Variants in TRRAP observed in about 807,000 individuals in gnomAD.
The protein encoded by TRRAP is transformation/transcription domain-associated protein.
A neutral mutation model predicts 438.8 loss-of-function variants in TRRAP; 41 were observed. The ratio of observed to expected loss-of-function variants is 0.09; its 90% CI spans 0.07 to 0.12. The LOEUF is 0.12. TRRAP is among the 10% of genes least tolerant of loss of function. TRRAP has a pLI of 1.00. For synonymous variants in TRRAP, 1,994 were observed against 1,962.9 expected, an observed-to-expected ratio of 1.02 and a Z score of -0.42; for missense variants, 3,122 against 5,055.1, an observed-to-expected ratio of 0.62 and a Z score of 11.60.
At chr7:99,008,267 A>T (rs1794282920) in intron 69 of TRRAP, 110 bp from the exon 70 acceptor site, 1 of 1,150,640 alleles carries the variant, frequency 8.7e-7, no homozygotes, top group African/African-American at 1.5e-5. Flanking sequence ...TAAGCCCCCA[A>T]GGCATACAGA....
In TRRAP at chr7:98,976,630, C is replaced by G. The variant is rs1325149260; in HGVS notation, c.8107C>G (p.Leu2703Val). ...CATCCGACCCTGCGTCCTGAAGTACCTGGGGAAGACACACAACCTCTGGTT... is the reference window on the plus strand; with the variant it reads ...CATCCGACCCTGCGTCCTGAAGTACGTGGGGAAGACACACAACCTCTGGTT... Reference protein sequence around the residue: ...IPIRPCVLKYLGKTHNLWFRS... With the variant: ...IPIRPCVLKYVGKTHNLWFRS... The change falls in exon 55 of 73, where the codon CTG becomes GTG. Residue 2703 changes from leucine (L) to valine (V), a missense_variant. Coordinates refer to ENST00000456197, the MANE Select transcript of TRRAP (RefSeq NM_001375524.1). This position sits in a 1 kb window ranked among gnomAD's most constrained non-coding sequence, Gnocchi z 4.6. 2.5e-6 allele frequency: 4 copies of G among 1,614,182 alleles called. No individual in the cohort carries two copies. The highest frequency in any genetic ancestry group is 2.2e-5 in the East Asian group (1 of 44,876).
chr7:99,012,284 A>T lies in TRRAP; in HGVS notation c.11551A>T (p.Thr3851Ser). 6.2e-7 allele frequency: 1 copy of T among 1,613,340 alleles called. No homozygotes were observed. Among genetic ancestry groups the T allele is most frequent in the Non-Finnish European group, 8.5e-7 (1 of 1,179,824 alleles). The change falls in exon 73 of 73, where the codon ACC becomes TCC. Residue 3851 changes from threonine (T) to serine (S), a missense_variant. By Grantham distance (58) the Thr-to-Ser change is moderately conservative. This residue lies in a region of TRRAP where 192 missense variants were observed against 355.6 expected (regional missense o/e 0.54). Coordinates refer to ENST00000456197, the MANE Select transcript of TRRAP (RefSeq NM_001375524.1). The surrounding 1 kb of genome is among the most constrained non-coding windows in gnomAD (Gnocchi z 5.9). ...QFEGGESKVN[T>S]LVAAANSLDN... ...CGAAGGCGGGGAAAGCAAGGTGAAC[A>T]CCCTGGTGGCCGCGGCAAACAGCCT...
At chr7:98,953,125 G>A in intron 39 of TRRAP, 42 bp from the exon 40 acceptor site, 1 of 1,589,372 alleles carries the variant, frequency 6.3e-7, no homozygotes, top group Non-Finnish European at 8.6e-7. Flanking sequence ...CAGTAACCCA[G>A]TTCACAACTG....
intron 43 of TRRAP, among the ~76,000 whole-genome samples, chr7:98,957,206 T>A (rs1036094998): frequency 6.6e-6 from 1 of 152,316 alleles, no homozygotes; most frequent in Non-Finnish European, 1.5e-5. Context: ...CACACTGTGG[T>A]CCCAGTCTCT....
At position 98,983,790 on chromosome 7, in the gene TRRAP, C is replaced by T. The variant is rs114538503; in HGVS notation, c.9023-303C>T. On this transcript the variant is annotated intron_variant, in intron 60 of 72. Transcript: ENST00000456197. ...GACGAGTTGTGCTCAGGTGGCTCTG[C>T]GTGGCCTTTTCTGGTTTTCCTGGTC... Among the ~76,000 whole-genome samples the T allele has an allele frequency of 5.9e-3, 893 of 152,266 alleles. 7 individuals carry two copies. The highest frequency in any genetic ancestry group is 0.021 in the African/African-American group (856 of 41,552).
At chr7:98,955,504 G>C (rs1791557882) in intron 41 of TRRAP, among the ~76,000 whole-genome samples, 200 bp downstream of exon 41, 2 of 152,186 alleles carry the variant, frequency 1.3e-5, no homozygotes, top group African/African-American at 4.8e-5. Context: ...TGTCACAGGT[G>C]TGTGTGTCTT....
At chr7:98,999,466 G>A (rs146348978) in intron 67 of TRRAP, 32 of 819,192 alleles carry the variant, frequency 3.9e-5, no homozygotes, top group Middle Eastern at 2.4e-4. Context: ...TATCCTTCTC[G>A]GCACTTTTTC....
At chr7:98,943,179 CTA>C (rs1790883291) in intron 31 of TRRAP, among the ~76,000 whole-genome samples, 162 bp downstream of exon 31, 1 of 152,194 alleles carries the variant, frequency 6.6e-6, no homozygotes, top group Admixed American at 6.5e-5. Flanking sequence ...TCTGTTTTGC[CTA>C]TCTTTTCTCT....
chr7:98,949,868 G>T (rs375634395), intron 37 of TRRAP, 27 bp downstream of exon 37: 2 of 1,602,062 alleles, frequency 1.2e-6, no homozygotes, highest in Admixed American at 3.4e-5. Flanking sequence ...GCCCTGCCCC[G>T]CGGGACTGGC....
intron 67 of TRRAP, among the ~76,000 whole-genome samples, chr7:99,001,137 G>T (rs1793901536): frequency 1.3e-5 from 2 of 152,244 alleles, no homozygotes; most frequent in African/African-American, 2.4e-5. Context: ...TGTGACCAGG[G>T]TTGCATCGAG....
intron 52 of TRRAP, among the ~76,000 whole-genome samples, 184 bp downstream of exon 52, chr7:98,970,475 G>A (rs1792365145): frequency 6.6e-6 from 1 of 152,186 alleles, no homozygotes; most frequent in South Asian, 2.1e-4. Context: ...GCGCCCCACG[G>A]GCAGAATCCT....
chr7:98,915,262 G>A (rs1345624423), intron 18 of TRRAP, among the ~76,000 whole-genome samples: 1 of 151,898 alleles, frequency 6.6e-6, no homozygotes, highest in Admixed American at 6.6e-5. Context: ...GTGCCATCTC[G>A]GCTCACTGCA....
In TRRAP at chr7:98,948,478, T is replaced by C. The variant is rs1791186464; in HGVS notation, c.4669-88T>C. The C allele has an allele frequency of 6.2e-7, 1 of 1,611,936 alleles. No homozygotes were observed. The highest frequency in any genetic ancestry group is 1.7e-5 in the Admixed American group (1 of 59,982). The stretch of plus-strand genomic sequence containing the variant: ...CATTTGCTTGTGGGTGTTCATGCAC[T>C]CCAGTAACAAGGGACCTTGTTAGGT... On this transcript the variant is annotated intron_variant, in intron 34 of 72. Transcript: ENST00000456197. This position sits in a 1 kb window ranked among gnomAD's most constrained non-coding sequence, Gnocchi z 4.9.
At chr7:98,918,070 A>C (rs1238259481) in intron 20 of TRRAP, among the ~76,000 whole-genome samples, 10 of 151,396 alleles carry the variant, frequency 6.6e-5, no homozygotes, top group African/African-American at 2.4e-4. Flanking sequence ...GCAGCGAGGC[A>C]TGATCACACT....
At position 98,984,929 on chromosome 7, in the gene TRRAP, AT is replaced by A. The variant is rs747257131; in HGVS notation, c.9289-7del. The A allele has an allele frequency of 5.8e-5, 91 of 1,557,980 alleles. No homozygotes were observed. The highest frequency in any genetic ancestry group is 7.7e-5 in the Admixed American group (4 of 51,944). On this transcript the variant is annotated splice_polypyrimidine_tract_variant and intron_variant, in intron 61 of 72. Transcript: ENST00000456197. ...AATTTCAAGAACTTTTTTTCTGCTC[AT>A]TTTTTTTGAACAGGGCCTTGAAGTT...
intron 49 of TRRAP, among the ~76,000 whole-genome samples, chr7:98,966,321 A>G (rs1792156516): frequency 6.6e-6 from 1 of 152,088 alleles, no homozygotes; most frequent in African/African-American, 2.4e-5. Context: ...AAAAAAAAGA[A>G]AGATGGATTT....
chr7:98,943,262 G>T (rs182460488), intron 31 of TRRAP, among the ~76,000 whole-genome samples: 227 of 152,184 alleles, frequency 1.5e-3, no homozygotes, highest in Non-Finnish European at 2.3e-3. Context: ...TGACTCTTCT[G>T]TTGAGAATTC....
At chr7:98,983,236 G>A (rs758823812) in intron 59 of TRRAP, 28 bp from the exon 60 acceptor site, 39 of 1,571,896 alleles carry the variant, frequency 2.5e-5, no homozygotes, top group South Asian at 3.4e-5. Context: ...GACATTTACC[G>A]CAGAGTCTCT....
intron 6 of TRRAP, among the ~76,000 whole-genome samples, chr7:98,894,255 T>G (rs556398144): frequency 6.6e-6 from 1 of 152,294 alleles, no homozygotes; most frequent in East Asian, 1.9e-4. Flanking sequence ...ATTGGTTAAG[T>G]TTGTAACCTT....
Sources: gnomAD v4.1 joint callset for allele counts (sites outside exome capture counted in the v4.1 genomes callset) on GRCh38, gnomAD v4.1.1 for gene constraint, gnomAD v4.1.1 regional missense constraint, Gnocchi (gnomAD v3.1) non-coding constraint, MANE v1.5 for transcripts, NCBI Gene and HGNC (gene_info 2026-07-23, HGNC 2026-07-21) for gene names.